TMEFF1: variants seen among roughly 807,000 people sequenced by gnomAD.
TMEFF1 encodes the protein tomoregulin-1.
TMEFF1 carries 20 observed loss-of-function variants against 47.5 expected under a neutral mutation model. The observed-to-expected ratio is 0.42, with a 90% confidence interval of 0.30 to 0.61. The LOEUF (loss-of-function observed/expected upper bound fraction) is 0.61. TMEFF1 is among the 20% of genes least tolerant of loss of function. The probability of loss-of-function intolerance (pLI) is 0.19; values close to 1 mark genes in which losing one functional copy is unlikely to be tolerated. For missense variants in TMEFF1, 411 were observed against 471.1 expected (o/e 0.87, Z 1.18); for synonymous variants, 162 against 166.3 (o/e 0.97, Z 0.20).
chr9:100,512,895 A>G (rs1488681596), intron 3 of TMEFF1, among the ~76,000 whole-genome samples: 4 of 152,034 alleles, frequency 2.6e-5, no homozygotes, highest in African/African-American at 7.2e-5. Flanking sequence ...AGTAAGACCC[A>G]AAGCTCTTTT....
intron 7 of TMEFF1, among the ~76,000 whole-genome samples, chr9:100,552,580 T>C (rs938999851): frequency 6.6e-6 from 1 of 152,192 alleles, no homozygotes; most frequent in Non-Finnish European, 1.5e-5. Flanking sequence ...ATAGAGGTGA[T>C]AACTGAAGCC....
In TMEFF1 at chr9:100,577,071, G is replaced by T. The variant is rs570404127; in HGVS notation, c.*471G>T. On this transcript the variant is annotated 3_prime_UTR_variant, in exon 10 of 10. Coordinates refer to ENST00000374879, the MANE Select transcript of TMEFF1 (RefSeq NM_003692.5). The stretch of plus-strand genomic sequence containing the variant: ...ACTGATTTTTTAGACACTGCCTATC[G>T]CATGAACTGTAAAGCTGTGTGTATT... 6.5e-6 allele frequency: 1 copy of T among 153,908 alleles called. No individual in the cohort carries two copies. Among genetic ancestry groups the T allele is most frequent in the Non-Finnish European group, 1.5e-5 (1 of 68,878 alleles). The allele number at this position is 153,908 out of a possible 1,614,324, so 9.5% of individuals were successfully genotyped here. A position where few individuals can be genotyped will look rare whatever the true frequency, so the allele number is the denominator to read the frequency against.
chr9:100,507,423 G>A (rs1187752794), intron 2 of TMEFF1, among the ~76,000 whole-genome samples: 29 of 152,138 alleles, frequency 1.9e-4, no homozygotes, highest in Non-Finnish European at 1.2e-4. Context: ...TAAGTTCTTT[G>A]AGAAATCTCC....
chr9:100,539,392 G>A (rs1838580394), intron 5 of TMEFF1, among the ~76,000 whole-genome samples: 1 of 152,202 alleles, frequency 6.6e-6, no homozygotes, highest in Non-Finnish European at 1.5e-5. Context: ...CTCGCGATGA[G>A]TGTTACGGTT....
chr9:100,492,613 T>C (rs1340399661), intron 1 of TMEFF1, among the ~76,000 whole-genome samples: 2 of 152,168 alleles, frequency 1.3e-5, no homozygotes, highest in South Asian at 2.1e-4. Context: ...AAGAGTGTTA[T>C]TGACACGGAC....
At chr9:100,474,706 G>T (rs1313700867) in intron 1 of TMEFF1, among the ~76,000 whole-genome samples, 1 of 152,016 alleles carries the variant, frequency 6.6e-6, no homozygotes, top group Non-Finnish European at 1.5e-5. Context: ...AAGATGTCGT[G>T]CCTGTGTGTG....
intron 9 of TMEFF1, among the ~76,000 whole-genome samples, chr9:100,574,088 G>T (rs1017487124): frequency 5.3e-5 from 8 of 152,222 alleles, no homozygotes; most frequent in South Asian, 2.1e-4. Flanking sequence ...ACACTGAAAG[G>T]TTCCATGTTG....
intron 5 of TMEFF1, among the ~76,000 whole-genome samples, chr9:100,536,663 GAGCATGCTA>G (rs1299308747): frequency 1.3e-5 from 2 of 152,146 alleles, no homozygotes; most frequent in South Asian, 2.1e-4. Context: ...TTGTTAGTAA[GAGCATGCTA>G]AATCTAACCT....
chr9:100,564,975 C>T (rs980194355), intron 8 of TMEFF1, among the ~76,000 whole-genome samples: 1 of 152,044 alleles, frequency 6.6e-6, no homozygotes, highest in Non-Finnish European at 1.5e-5. Flanking sequence ...TCAGGAGAGT[C>T]TCCTGGCTTT....
chr9:100,516,634 C>T, intron 4 of TMEFF1, 41 bp from the exon 5 acceptor site: 1 of 1,600,798 alleles, frequency 6.2e-7, no homozygotes, highest in East Asian at 2.2e-5. Context: ...TGGAAAGGAT[C>T]CCAACTTTTG....
At chr9:100,544,287 G>C (rs907316370) in intron 5 of TMEFF1, among the ~76,000 whole-genome samples, 4 of 152,272 alleles carry the variant, frequency 2.6e-5, no homozygotes, top group Admixed American at 2.6e-4. Context: ...GCAAAAGAAA[G>C]GGTTTAATTG....
chr9:100,533,799 A>T (rs147166361), intron 5 of TMEFF1, among the ~76,000 whole-genome samples: 1,596 of 151,980 alleles, frequency 0.011, 65 homozygotes, highest in Admixed American at 0.066. Context: ...TTTCACTGCA[A>T]CCTCCGCCTC....
chr9:100,483,140 T>C (rs1396257826), intron 1 of TMEFF1, among the ~76,000 whole-genome samples: 7 of 152,136 alleles, frequency 4.6e-5, no homozygotes, highest in African/African-American at 1.7e-4. Flanking sequence ...ACAGATGGGT[T>C]TTTTCATGAT....
chr9:100,517,191 A>G (rs1243717019), intron 5 of TMEFF1, among the ~76,000 whole-genome samples: 1 of 152,144 alleles, frequency 6.6e-6, no homozygotes, highest in African/African-American at 2.4e-5. Flanking sequence ...ACATTTATCA[A>G]CAGTCATGTT....
At chr9:100,496,472 T>A (rs533042011) in intron 1 of TMEFF1, among the ~76,000 whole-genome samples, 89 of 152,358 alleles carry the variant, frequency 5.8e-4, no homozygotes, top group Non-Finnish European at 1.1e-3. Context: ...ACTCCTGACC[T>A]CAGGTGATCC....
In TMEFF1 at chr9:100,473,366, G is replaced by T. The variant is rs1345843621; in HGVS notation, c.-179G>T. The T allele has an allele frequency of 5.6e-6, 2 of 355,062 alleles. No individual in the cohort carries two copies. The highest frequency in any genetic ancestry group is 4.4e-5 in the African/African-American group (2 of 45,928). 22.0% of individuals were successfully genotyped at this position (355,062 alleles called of 1,614,324 possible). On this transcript the variant is annotated 5_prime_UTR_variant, in exon 1 of 10. Transcript: ENST00000374879. The surrounding 1 kb of genome is among the most constrained non-coding windows in gnomAD (Gnocchi z 5.4). Reference sequence around the variant, plus strand: ...CCCGGACCCGCCGACTCCGTCCCGAGCGCCGCGGGCCCGGGCCTGGCGGAC... The same window carrying T: ...CCCGGACCCGCCGACTCCGTCCCGATCGCCGCGGGCCCGGGCCTGGCGGAC...
intron 3 of TMEFF1, among the ~76,000 whole-genome samples, chr9:100,512,724 G>A (rs1176751302): frequency 6.6e-6 from 1 of 152,172 alleles, no homozygotes; most frequent in Non-Finnish European, 1.5e-5. Flanking sequence ...CGACAAGTCA[G>A]GTAAGTCCTT....
At position 100,576,792 on chromosome 9, in the gene TMEFF1, C is replaced by G; in HGVS notation, c.*192C>G. 1.8e-6 allele frequency: 1 copy of G among 546,968 alleles called. No individual in the cohort carries two copies. The highest frequency in any genetic ancestry group is 2.9e-6 in the Non-Finnish European group (1 of 344,626). The allele number at this position is 546,968 out of a possible 1,614,324, so 33.9% of individuals were successfully genotyped here. A position where few individuals can be genotyped will look rare whatever the true frequency, so the allele number is the denominator to read the frequency against. Reference sequence around the variant, plus strand: ...AGTCTTTGTTTTATGTTTTTAAATACAGAAATTGCTTTCACAAATTTGTAC... The same window carrying G: ...AGTCTTTGTTTTATGTTTTTAAATAGAGAAATTGCTTTCACAAATTTGTAC... On this transcript the variant is annotated 3_prime_UTR_variant, in exon 10 of 10. Coordinates refer to ENST00000374879, the MANE Select transcript of TMEFF1 (RefSeq NM_003692.5).
chr9:100,507,778 A>G (rs1837888573), intron 2 of TMEFF1, among the ~76,000 whole-genome samples: 1 of 152,184 alleles, frequency 6.6e-6, no homozygotes, highest in African/African-American at 2.4e-5. Context: ...GAACAGTTAT[A>G]CTTCAATTAA....
Sources: allele counts gnomAD v4.1 joint callset (sites outside exome capture counted in the v4.1 genomes callset), GRCh38; gene constraint gnomAD v4.1.1; non-coding constraint Gnocchi (gnomAD v3.1); transcripts MANE v1.5; gene names NCBI Gene and HGNC (gene_info 2026-07-23, HGNC 2026-07-21).